Variants in TANC1 observed in about 807,000 individuals in gnomAD.
TANC1 encodes protein TANC1.
In TANC1, 77 loss-of-function variants were observed where a neutral mutation model predicts 149.7. The ratio of observed to expected loss-of-function variants is 0.51; its 90% CI spans 0.43 to 0.62. TANC1 has a LOEUF of 0.62. TANC1 is among the 20% of genes least tolerant of loss of function. The pLI, the probability that TANC1 is intolerant of heterozygous loss-of-function variation, is 0.00. For synonymous variants in TANC1, 854 were observed against 925.0 expected (o/e 0.92, Z 1.39); for missense variants, 1,985 against 2,321.8 (o/e 0.85, Z 2.98).
At chr2:159,025,547 C>T (rs920812976) in intron 2 of TANC1, among the ~76,000 whole-genome samples, 6 of 152,090 alleles carry the variant, frequency 3.9e-5, no homozygotes, top group African/African-American at 1.2e-4. Context: ...TAACACAAAA[C>T]AAAATGAGGA....
chr2:159,196,654 C>T lies in TANC1; in HGVS notation c.3026C>T (p.Ala1009Val), dbSNP rs1318195823. The change falls in exon 18 of 27, where the codon GCC becomes GTC. Residue 1009 changes from alanine (A) to valine (V), a missense_variant. Transcript: ENST00000263635. ...GGCCAGTGTGCGCTTGTCCACAGTG[C>T]CCTACGGGGCCACGGTGACATTCTC... The part of the protein sequence containing the change: ...KKGQCALVHS[A>V]LRGHGDILQY... 1.2e-6 allele frequency: 2 copies of T among 1,613,804 alleles called. No homozygotes were observed. Among genetic ancestry groups the T allele is most frequent in the Non-Finnish European group, 1.7e-6 (2 of 1,179,790 alleles).
intron 1 of TANC1, among the ~76,000 whole-genome samples, chr2:158,981,992 A>G (rs1220433566): frequency 1.3e-5 from 2 of 152,128 alleles, no homozygotes; most frequent in Non-Finnish European, 2.9e-5. Flanking sequence ...AAAAGTTCCT[A>G]TCATAGCTAA....
At chr2:159,163,697 C>A in intron 8 of TANC1, 151 bp downstream of exon 8, 1 of 753,054 alleles carries the variant, frequency 1.3e-6, no homozygotes, top group Non-Finnish European at 2.2e-6. Context: ...GTTTACTAAT[C>A]TGTAAACACA....
At chr2:159,108,027 A>AT (rs1250677705) in intron 4 of TANC1, among the ~76,000 whole-genome samples, 3 of 152,204 alleles carry the variant, frequency 2.0e-5, no homozygotes, top group African/African-American at 7.2e-5. Flanking sequence ...GATGGAGCAT[A>AT]GGTAAGTAAC....
chr2:159,228,776 G>T lies in TANC1; in HGVS notation c.4051-20G>T. On this transcript the variant is annotated intron_variant, in intron 25 of 26. Coordinates refer to ENST00000263635, the MANE Select transcript of TANC1 (RefSeq NM_033394.3). ...TGTGTCCAGGCTGCTTCTGACTCCT[G>T]TATTTCTTGTCGACACCAGGACTTT... The T allele has an allele frequency of 6.3e-7, 1 of 1,594,588 alleles. No individual in the cohort carries two copies. Among genetic ancestry groups the T allele is most frequent in the Non-Finnish European group, 8.6e-7 (1 of 1,162,360 alleles).
In TANC1 at chr2:159,145,352, T is replaced by C. The variant is rs529666271; in HGVS notation, c.365-3790T>C. Among the ~76,000 whole-genome samples the C allele has an allele frequency of 3.3e-5, 5 of 152,118 alleles. No homozygotes were observed. In the South Asian group the frequency reaches 1.0e-3, roughly 32 times the overall value. Reference sequence around the variant, plus strand: ...TGCGGGCTCTTGGTGTTAAAGTTGGTAGAGAGAATGACCAATTCTATAGCA... The same window carrying C: ...TGCGGGCTCTTGGTGTTAAAGTTGGCAGAGAGAATGACCAATTCTATAGCA... On this transcript the variant is annotated intron_variant, in intron 5 of 26. Transcript: ENST00000263635.
chr2:159,053,300 A>T (rs2041608231), intron 2 of TANC1, among the ~76,000 whole-genome samples: 2 of 152,146 alleles, frequency 1.3e-5, no homozygotes, highest in African/African-American at 4.8e-5. Flanking sequence ...AGAGAAAAAA[A>T]TAAAGCTATT....
Position 159,097,727 on chromosome 2 carries a change from C to T in TANC1, c.152C>T (p.Thr51Ile), listed in dbSNP as rs763604710. Residue 51 changes from threonine (T) to isoleucine (I), a missense_variant, in exon 4 of 27, where the codon ACC becomes ATC. Thr to Ile is a moderately conservative substitution (Grantham distance 89). Coordinates refer to ENST00000263635, the MANE Select transcript of TANC1 (RefSeq NM_033394.3). ...PVSSLPTAEDTYRVSLAKGVS... is the reference protein window; with the variant it reads ...PVSSLPTAEDIYRVSLAKGVS... ...AGCAGTCTTCCCACAGCAGAGGACA[C>T]CTATAGGGTGAGCTTGGCCAAAGGT... is the stretch of plus-strand genomic sequence containing the variant. 8 of 1,614,138 alleles carry T rather than the reference C, an allele frequency of 5.0e-6. No homozygotes were observed. Among genetic ancestry groups the T allele is most frequent in the Non-Finnish European group, 6.8e-6 (8 of 1,180,026 alleles).
At chr2:159,207,157 GC>G (rs1559459230) in intron 19 of TANC1, among the ~76,000 whole-genome samples, 1 of 152,204 alleles carries the variant, frequency 6.6e-6, no homozygotes, top group African/African-American at 2.4e-5. Flanking sequence ...ATGAGGAACC[GC>G]TCAAACATTC....
At chr2:159,168,506 T>C (rs1303367701) in intron 8 of TANC1, among the ~76,000 whole-genome samples, 1 of 152,032 alleles carries the variant, frequency 6.6e-6, no homozygotes, top group East Asian at 1.9e-4. Context: ...TTCACCATGT[T>C]GGCCAGGCTG....
intron 3 of TANC1, among the ~76,000 whole-genome samples, chr2:159,091,969 GGT>G (rs1553545678): frequency 6.9e-6 from 1 of 145,238 alleles, no homozygotes; most frequent in Non-Finnish European, 1.5e-5. Flanking sequence ...TATAGGGGGG[GGT>G]GTGTGTGTGT....
At chr2:159,117,772 A>G (rs1177265861) in intron 4 of TANC1, among the ~76,000 whole-genome samples, 1 of 140,974 alleles carries the variant, frequency 7.1e-6, no homozygotes, top group African/African-American at 2.7e-5. Flanking sequence ...CCAGTATCCG[A>G]GAGGACACCA....
intron 16 of TANC1, among the ~76,000 whole-genome samples, chr2:159,190,843 T>C (rs554565208): frequency 6.6e-6 from 1 of 152,358 alleles, no homozygotes; most frequent in South Asian, 2.1e-4. Context: ...TGAGCCACCA[T>C]GCCCAGCCAC....
intron 5 of TANC1, among the ~76,000 whole-genome samples, chr2:159,145,062 C>T (rs2051910848): frequency 6.6e-6 from 1 of 152,142 alleles, no homozygotes; most frequent in East Asian, 1.9e-4. Flanking sequence ...AGTGATAATA[C>T]TTGGTGATCA....
At chr2:159,032,326 C>A (rs1164024656) in intron 2 of TANC1, among the ~76,000 whole-genome samples, 1 of 152,188 alleles carries the variant, frequency 6.6e-6, no homozygotes, top group African/African-American at 2.4e-5. Context: ...ACAGAGACAG[C>A]ACATTGCAGT....
rs144218859 is a variant in TANC1 at position 159,218,320 on chromosome 2, A to G, written c.3378+690A>G. On this transcript the variant is annotated intron_variant, in intron 20 of 26. Coordinates refer to ENST00000263635, the MANE Select transcript of TANC1 (RefSeq NM_033394.3). Reference sequence around the variant, plus strand: ...GATGCCTGCTGGCTCCCTTGGTAGGAGCTGTGAGTGCTTCCTGGCAGGATT... The same window carrying G: ...GATGCCTGCTGGCTCCCTTGGTAGGGGCTGTGAGTGCTTCCTGGCAGGATT... Among the ~76,000 whole-genome samples, 340 of 152,246 alleles carry G rather than the reference A, an allele frequency of 2.2e-3. 1 individual carries two copies. The highest frequency in any genetic ancestry group is 7.9e-3 in the African/African-American group (328 of 41,534).
At chr2:159,050,743 G>T (rs1363360660) in intron 2 of TANC1, among the ~76,000 whole-genome samples, 2 of 152,182 alleles carry the variant, frequency 1.3e-5, no homozygotes, top group African/African-American at 4.8e-5. Context: ...TTTGTGGTTG[G>T]TTGCTGGATT....
chr2:159,043,447 A>G (rs1182670566), intron 2 of TANC1, among the ~76,000 whole-genome samples: 1 of 152,154 alleles, frequency 6.6e-6, no homozygotes, highest in Middle Eastern at 3.2e-3. Flanking sequence ...TATTCAAGGT[A>G]TGCTATTCTT....
intron 4 of TANC1, among the ~76,000 whole-genome samples, chr2:159,109,095 G>A (rs141420076): frequency 9.9e-5 from 15 of 152,278 alleles, no homozygotes; most frequent in East Asian, 3.9e-4. Context: ...CTGACCTTTC[G>A]AAGAGGCTAG....
Sources: allele counts gnomAD v4.1 joint callset (sites outside exome capture counted in the v4.1 genomes callset), GRCh38; gene constraint gnomAD v4.1.1; transcripts MANE v1.5; gene names NCBI Gene and HGNC (gene_info 2026-07-23, HGNC 2026-07-21).